Variants in SLC7A14 observed in about 807,000 individuals in gnomAD.
SLC7A14 encodes the protein gamma-aminobutyric acid transporter SLC7A14.
SLC7A14 carries 37 observed loss-of-function variants against 60.2 expected under a neutral mutation model. The observed-to-expected ratio is 0.61, with a 90% CI of 0.47 to 0.81. The LOEUF (loss-of-function observed/expected upper bound fraction) is 0.81. Ranked by LOEUF, SLC7A14 falls within the 30% of genes least tolerant of loss-of-function variation. The pLI is 0.00. For missense variants in SLC7A14, 886 were observed against 982.7 expected (o/e 0.90, Z 1.32); for synonymous variants, 399 against 395.8 (o/e 1.01, Z -0.10).
intron 2 of SLC7A14, 36 bp downstream of exon 2, chr3:170,526,597 A>G: frequency 5.6e-6 from 9 of 1,598,498 alleles, no homozygotes; most frequent in Non-Finnish European, 7.7e-6. Flanking sequence ...TGGTAAGCAC[A>G]CTTTCCACAG....
chr3:170,566,402 A>G lies in SLC7A14; in HGVS notation c.-153+19509T>C, dbSNP rs1452042129. Among the ~76,000 whole-genome samples, 4 of 152,202 alleles carry G rather than the reference A, an allele frequency of 2.6e-5. No homozygotes were observed. In the East Asian group the frequency reaches 5.8e-4, roughly 22 times the overall value. On this transcript the variant is annotated intron_variant, in intron 1 of 7. Coordinates refer to ENST00000231706, the MANE Select transcript of SLC7A14 (RefSeq NM_020949.3). Reference sequence around the variant, plus strand: ...CGAAGTTGGAGCTAAGTTCTTCTCAAACAAGATTTCAGTGATATGGATGGT... The same window carrying G: ...CGAAGTTGGAGCTAAGTTCTTCTCAGACAAGATTTCAGTGATATGGATGGT...
Position 170,508,004 on chromosome 3 carries a change from G to A in SLC7A14, c.305-6659C>T, listed in dbSNP as rs558570364. Among the ~76,000 whole-genome samples the A allele has an allele frequency of 3.3e-5, 5 of 152,300 alleles. No individual in the cohort carries two copies. In the East Asian group the frequency reaches 9.6e-4, roughly 29 times the overall value. ...GATGATGCAACTGAGCTCCAGATCTGAAGCTGCGTATTCAATTAATGGCAG... is the reference window on the plus strand; with the variant it reads ...GATGATGCAACTGAGCTCCAGATCTAAAGCTGCGTATTCAATTAATGGCAG... On this transcript the variant is annotated intron_variant, in intron 2 of 7. Transcript: ENST00000231706.
intron 1 of SLC7A14, among the ~76,000 whole-genome samples, chr3:170,574,348 T>C (rs944289687): frequency 5.9e-5 from 9 of 152,170 alleles, no homozygotes; most frequent in Non-Finnish European, 1.3e-4. Context: ...GAAGCAGAAG[T>C]GGTTTGGCAG....
At chr3:170,525,024 A>G (rs1713447391) in intron 2 of SLC7A14, among the ~76,000 whole-genome samples, 1 of 152,228 alleles carries the variant, frequency 6.6e-6, no homozygotes. Context: ...TTCTACACGT[A>G]TGATATTAAT....
intron 5 of SLC7A14, among the ~76,000 whole-genome samples, chr3:170,485,195 G>A (rs1416264332): frequency 1.3e-5 from 2 of 152,118 alleles, no homozygotes; most frequent in African/African-American, 4.8e-5. Context: ...GATAATTGAG[G>A]CACCCATAAA....
At chr3:170,577,152 T>C (rs1306358336) in intron 1 of SLC7A14, among the ~76,000 whole-genome samples, 3 of 152,184 alleles carry the variant, frequency 2.0e-5, no homozygotes, top group Non-Finnish European at 4.4e-5. Flanking sequence ...ACTGGCCCTA[T>C]TTGTAATGTG....
chr3:170,497,013 C>G (rs117815832), intron 4 of SLC7A14, among the ~76,000 whole-genome samples: 3 of 148,740 alleles, frequency 2.0e-5, no homozygotes, highest in East Asian at 4.0e-4. Context: ...TCTCAGCCCA[C>G]GCGCGGGGGA....
At chr3:170,470,334 G>GTGTGTGTGTGTGTC (rs1320131182) in intron 7 of SLC7A14, among the ~76,000 whole-genome samples, 11 of 151,736 alleles carry the variant, frequency 7.2e-5, no homozygotes, top group Non-Finnish European at 1.3e-4. Flanking sequence ...GTGTGTGTGT[G>GTGTGTGTGTGTGTC]TGTGTATGTG....
At position 170,575,966 on chromosome 3, in the gene SLC7A14, C is replaced by A. The variant is rs543462806; in HGVS notation, c.-153+9945G>T. Among the ~76,000 whole-genome samples the A allele has an allele frequency of 2.6e-5, 4 of 152,344 alleles. No individual in the cohort carries two copies. In the South Asian group the frequency reaches 8.3e-4, roughly 32 times the overall value. On this transcript the variant is annotated intron_variant, in intron 1 of 7. Coordinates refer to ENST00000231706, the MANE Select transcript of SLC7A14 (RefSeq NM_020949.3). ...CAGTCCTTCCAGTATGACCTCCCACCAGCCAGATAAGGTCAGCCTGCACTT... is the reference window on the plus strand; with the variant it reads ...CAGTCCTTCCAGTATGACCTCCCACAAGCCAGATAAGGTCAGCCTGCACTT...
At chr3:170,528,339 G>C (rs567491894) in intron 1 of SLC7A14, among the ~76,000 whole-genome samples, 48 of 152,272 alleles carry the variant, frequency 3.2e-4, no homozygotes, top group Middle Eastern at 3.4e-3. Flanking sequence ...ACATTCTTTG[G>C]AAGCCGGAAG....
intron 1 of SLC7A14, among the ~76,000 whole-genome samples, chr3:170,537,641 C>T (rs1191950219): frequency 6.6e-6 from 1 of 152,152 alleles, no homozygotes; most frequent in Non-Finnish European, 1.5e-5. Context: ...CCTAATTAAA[C>T]AAAAACTTAA....
chr3:170,517,846 C>T (rs1408720138), intron 2 of SLC7A14, among the ~76,000 whole-genome samples: 1 of 152,166 alleles, frequency 6.6e-6, no homozygotes, highest in Non-Finnish European at 1.5e-5. Context: ...AAATTTTAAA[C>T]CCTAATGCCA....
chr3:170,563,147 G>C (rs1714698936), intron 1 of SLC7A14, among the ~76,000 whole-genome samples: 2 of 152,054 alleles, frequency 1.3e-5, no homozygotes, highest in Non-Finnish European at 2.9e-5. Flanking sequence ...AGATGGTTTA[G>C]GTGAAGCTTC....
At chr3:170,521,662 C>T (rs1389485229) in intron 2 of SLC7A14, among the ~76,000 whole-genome samples, 2 of 152,216 alleles carry the variant, frequency 1.3e-5, no homozygotes, top group Non-Finnish European at 2.9e-5. Flanking sequence ...TGGGCTCATG[C>T]CTGTAAGCCC....
intron 2 of SLC7A14, among the ~76,000 whole-genome samples, chr3:170,515,682 G>C (rs1354420316): frequency 6.6e-6 from 1 of 151,952 alleles, no homozygotes; most frequent in Non-Finnish European, 1.5e-5. Context: ...CCCCTCTCTT[G>C]GTTGTTTTTC....
At position 170,511,583 on chromosome 3, in the gene SLC7A14, T is replaced by C. The variant is rs574930868; in HGVS notation, c.305-10238A>G. Among the ~76,000 whole-genome samples the C allele has an allele frequency of 5.9e-4, 90 of 152,218 alleles. 1 individual carries two copies. In the South Asian group the frequency reaches 0.018, roughly 30 times the overall value. On this transcript the variant is annotated intron_variant, in intron 2 of 7. Transcript: ENST00000231706. ...TGACATATGTTAGGTACTCCTTCAG[T>C]GGGAGCTTAGGGCCATTATTCATTG...
At chr3:170,490,560 C>G (rs532258305) in intron 4 of SLC7A14, among the ~76,000 whole-genome samples, 5 of 152,192 alleles carry the variant, frequency 3.3e-5, no homozygotes, top group Non-Finnish European at 7.3e-5. Flanking sequence ...ACTTGAAGAG[C>G]AGAAGACTCA....
At chr3:170,546,665 A>C (rs1714188083) in intron 1 of SLC7A14, among the ~76,000 whole-genome samples, 1 of 152,162 alleles carries the variant, frequency 6.6e-6, no homozygotes, top group Non-Finnish European at 1.5e-5. Context: ...GAGTAATCCC[A>C]CTGTCAACCC....
intron 1 of SLC7A14, among the ~76,000 whole-genome samples, chr3:170,552,972 C>T (rs1281233146): frequency 2.0e-5 from 3 of 152,184 alleles, no homozygotes; most frequent in Non-Finnish European, 4.4e-5. Context: ...CCAGGTATAC[C>T]TACAGCTCTT....
Sources: allele counts gnomAD v4.1 joint callset (sites outside exome capture counted in the v4.1 genomes callset), GRCh38; gene constraint gnomAD v4.1.1; transcripts MANE v1.5; gene names NCBI Gene and HGNC (gene_info 2026-07-23, HGNC 2026-07-21).